The following TOX3 variants were observed in gnomAD, a reference collection of about 807,000 sequenced individuals.
TOX3 encodes CAG trinucleotide repeat-containing gene F9 protein.
In TOX3, 22 loss-of-function variants were observed where a neutral mutation model predicts 64.3. The ratio of observed to expected loss-of-function variants is 0.34; its 90% CI spans 0.24 to 0.49. TOX3 has a LOEUF of 0.49. TOX3 is among the 20% of genes least tolerant of loss of function. The probability of loss-of-function intolerance (pLI) is 0.99; values close to 1 mark genes in which losing one functional copy is unlikely to be tolerated. For missense variants in TOX3, 661 were observed against 714.4 expected, an observed-to-expected ratio of 0.93 and a Z score of 0.85; for synonymous variants, 291 against 273.6, an observed-to-expected ratio of 1.06 and a Z score of -0.63.
chr16:52,526,249 T>C (rs549908233), intron 1 of TOX3, among the ~76,000 whole-genome samples: 10 of 152,242 alleles, frequency 6.6e-5, no homozygotes, highest in African/African-American at 2.4e-4. Context: ...AGAAATGAGT[T>C]GCAGAAACTC....
At chr16:52,486,304 G>C (rs1373534415) in intron 1 of TOX3, among the ~76,000 whole-genome samples, 1 of 152,138 alleles carries the variant, frequency 6.6e-6, no homozygotes, top group Non-Finnish European at 1.5e-5. Flanking sequence ...GCAAGGGTGG[G>C]ATCCCTGACA....
chr16:52,473,682 T>C (rs1031283789), intron 1 of TOX3, among the ~76,000 whole-genome samples: 7 of 152,166 alleles, frequency 4.6e-5, no homozygotes, highest in Non-Finnish European at 7.3e-5. Context: ...CAAGCCAATA[T>C]GGCGGATGAT....
At chr16:52,451,931 G>A (rs1960362578) in intron 3 of TOX3, among the ~76,000 whole-genome samples, 1 of 151,858 alleles carries the variant, frequency 6.6e-6, no homozygotes, top group South Asian at 2.1e-4. Flanking sequence ...ATATTGAGGG[G>A]GCTTGTCCTG....
chr16:52,472,298 G>A (rs558639575), intron 1 of TOX3, among the ~76,000 whole-genome samples: 2 of 152,216 alleles, frequency 1.3e-5, no homozygotes, highest in Admixed American at 6.5e-5. Flanking sequence ...TTTCTTAAAG[G>A]GGGAGACAGG....
intron 1 of TOX3, among the ~76,000 whole-genome samples, chr16:52,473,036 T>C (rs1455978980): frequency 6.6e-6 from 1 of 152,178 alleles, no homozygotes; most frequent in Non-Finnish European, 1.5e-5. Flanking sequence ...TTGTGAAGGA[T>C]GTCAATTAAA....
At position 52,438,054 on chromosome 16, in the gene TOX3, T is replaced by C. The variant is rs567977207; in HGVS notation, c.*1171A>G. Reference sequence around the variant, plus strand: ...TGAAAAGTGAACAGTTTCTTTGTTGTTGCATCAAAATACAGTCCACAGTTT... The same window carrying C: ...TGAAAAGTGAACAGTTTCTTTGTTGCTGCATCAAAATACAGTCCACAGTTT... On this transcript the variant is annotated 3_prime_UTR_variant, in exon 7 of 7. Transcript: ENST00000219746. 3.0e-4 allele frequency: 46 copies of C among 152,774 alleles called. No individual in the cohort carries two copies. The highest frequency in any genetic ancestry group is 8.4e-4 in the African/African-American group (35 of 41,584). 9.5% of individuals were successfully genotyped at this position (152,774 alleles called of 1,614,324 possible). A position where few individuals can be genotyped will look rare whatever the true frequency, so the allele number is the denominator to read the frequency against.
chr16:52,444,479 AT>A, intron 5 of TOX3, 123 bp from the exon 6 acceptor site: 1 of 615,954 alleles, frequency 1.6e-6, no homozygotes, highest in Non-Finnish European at 2.7e-6. Context: ...CTTGGCTTTG[AT>A]TTTTAAATGT....
chr16:52,532,089 T>C (rs1250861312), intron 1 of TOX3, among the ~76,000 whole-genome samples: 2 of 152,138 alleles, frequency 1.3e-5, no homozygotes, highest in African/African-American at 4.8e-5. Flanking sequence ...GAAGCGGTCA[T>C]AGCCTGGAGA....
chr16:52,463,910 T>A (rs901694738), intron 3 of TOX3, 24 bp downstream of exon 3: 3 of 1,479,830 alleles, frequency 2.0e-6, no homozygotes, highest in Non-Finnish European at 1.8e-6. Flanking sequence ...AAAAAATAAT[T>A]TAAGTAATAA....
At chr16:52,474,623 A>G (rs1230555003) in intron 1 of TOX3, among the ~76,000 whole-genome samples, 1 of 152,066 alleles carries the variant, frequency 6.6e-6, no homozygotes, top group African/African-American at 2.4e-5. Context: ...TCTCAAAAAA[A>G]AAAAGAAGAA....
At chr16:52,530,649 C>T (rs868753173) in intron 1 of TOX3, among the ~76,000 whole-genome samples, 3 of 151,618 alleles carry the variant, frequency 2.0e-5, no homozygotes, top group Middle Eastern at 6.8e-3. Context: ...TGCCTGGCCC[C>T]TCTTTTTTTT....
chr16:52,456,454 A>G (rs1307309427), intron 3 of TOX3, among the ~76,000 whole-genome samples: 2 of 152,172 alleles, frequency 1.3e-5, no homozygotes, highest in Non-Finnish European at 2.9e-5. Context: ...CTATTGGCCT[A>G]TATGATTCAT....
chr16:52,466,770 C>A (rs1166931568), intron 2 of TOX3, among the ~76,000 whole-genome samples: 1 of 151,874 alleles, frequency 6.6e-6, no homozygotes, highest in Non-Finnish European at 1.5e-5. Flanking sequence ...ATATAATAAT[C>A]CACTGAAATA....
rs778378865 is a variant in TOX3, at chr16:52,444,318, G to A, written c.945C>T (p.Tyr315=). The change falls in exon 6 of 7, where the codon TAC becomes TAT. Residue 315 remains tyrosine (Y), a synonymous_variant. Transcript: ENST00000219746. ...CCCTGTATGCCGCCAGGGCCTTCAG[G>A]TATTCTTTTTTGGCAGCTTCTGTTT... The part of the protein sequence containing the change: ...KRKTEAAKKE[Y]LKALAAYRAS... The A allele has an allele frequency of 6.3e-6, 10 of 1,589,924 alleles. No homozygotes were observed. The highest frequency in any genetic ancestry group is 8.6e-6 in the Non-Finnish European group (10 of 1,166,458).
chr16:52,494,073 A>G (rs1341282977), intron 1 of TOX3, among the ~76,000 whole-genome samples: 1 of 151,890 alleles, frequency 6.6e-6, no homozygotes, highest in African/African-American at 2.4e-5. Flanking sequence ...TCTTCTTCCA[A>G]CTCCCCAAAG....
intron 4 of TOX3, among the ~76,000 whole-genome samples, chr16:52,449,601 T>C (rs904337561): frequency 2.0e-5 from 3 of 152,240 alleles, no homozygotes; most frequent in African/African-American, 7.2e-5. Context: ...AATTCTCTTA[T>C]AAATCTTTGT....
At chr16:52,463,851 G>T (rs1451804758) in intron 3 of TOX3, 83 bp downstream of exon 3, 1 of 1,437,746 alleles carries the variant, frequency 7.0e-7, no homozygotes, top group Admixed American at 2.7e-5. Context: ...GCAAGAGCAC[G>T]TTTCAGAACA....
chr16:52,536,654 T>C (rs1401290487), intron 1 of TOX3, among the ~76,000 whole-genome samples: 1 of 120,212 alleles, frequency 8.3e-6, no homozygotes, highest in Non-Finnish European at 1.7e-5. Flanking sequence ...TATATATATA[T>C]ATATATATAT....
At chr16:52,530,703 C>A (rs947026762) in intron 1 of TOX3, among the ~76,000 whole-genome samples, 24 of 151,202 alleles carry the variant, frequency 1.6e-4, no homozygotes, top group African/African-American at 5.8e-4. Context: ...TTCCTCTCTA[C>A]AACTGAATGG....
Sources: allele counts gnomAD v4.1 joint callset (sites outside exome capture counted in the v4.1 genomes callset), GRCh38; gene constraint gnomAD v4.1.1; transcripts MANE v1.5; gene names NCBI Gene and HGNC (gene_info 2026-07-23, HGNC 2026-07-21).